The following CASP9 variants were observed in gnomAD, a reference collection of about 807,000 sequenced individuals.
CASP9 encodes the protein caspase 9, also known as caspase-9.
In CASP9, 29 loss-of-function variants were observed where a neutral mutation model predicts 43.5. The observed-to-expected ratio is 0.67, with a 90% CI of 0.50 to 0.91. The LOEUF (loss-of-function observed/expected upper bound fraction) is 0.91. Among genes scored for constraint, CASP9 ranks in the 40% least tolerant of loss-of-function variants. The pLI, the probability that CASP9 is intolerant of heterozygous loss-of-function variation, is 0.00. For synonymous variants in CASP9, 206 were observed against 211.9 expected, an observed-to-expected ratio of 0.97 and a Z score of 0.24; for missense variants, 575 against 537.4, an observed-to-expected ratio of 1.07 and a Z score of -0.69.
Position 15,524,059 on chromosome 1 carries a change from G to C in CASP9, c.132+10C>G. The C allele has an allele frequency of 1.5e-6, 2 of 1,366,686 alleles. No individual in the cohort carries two copies. The highest frequency in any genetic ancestry group is 1.3e-5 in the South Asian group (1 of 77,222). 84.7% of individuals were successfully genotyped at this position (1,366,686 alleles called of 1,614,324 possible). A position where few individuals can be genotyped will look rare whatever the true frequency, so the allele number is the denominator to read the frequency against. On this transcript the variant is annotated intron_variant, in intron 1 of 8. Coordinates refer to ENST00000333868, the MANE Select transcript of CASP9 (RefSeq NM_001229.5). ...CCGTGCAGCGCGGGGACAGGGGGCC[G>C]GGGGCGCACCTGGATGTCCTCGATC...
At chr1:15,503,025 G>A (rs562962783) in intron 6 of CASP9, among the ~76,000 whole-genome samples, 1 of 152,212 alleles carries the variant, frequency 6.6e-6, no homozygotes, top group East Asian at 1.9e-4. Context: ...TGGGAGCGGG[G>A]GGCAGGCTGG....
In CASP9 at chr1:15,505,158, C is replaced by T. The variant is rs4646048; in HGVS notation, c.721-400G>A. ...GGCCCCTCTGACTGAGGCAGCTCAA[C>T]GCTGAGAGTGGCTGCTTTAAATCAG... On this transcript the variant is annotated intron_variant, in intron 5 of 8. Transcript: ENST00000333868. Among the ~76,000 whole-genome samples, 1,433 of 152,220 alleles carry T rather than the reference C, an allele frequency of 9.4e-3. 5 individuals are homozygous for T. Among genetic ancestry groups the T allele is most frequent in the Non-Finnish European group, 0.013 (882 of 68,022 alleles).
rs184623165 is a variant in CASP9, at chr1:15,514,297, C to T, written c.418+3813G>A. 4.6e-5 allele frequency among the ~76,000 whole-genome samples: 7 copies of T among 152,340 alleles called. No individual in the cohort carries two copies. The East Asian group carries it at 1.3e-3, about 29-fold the overall frequency. ...GTCCCCAGTGTGAAACACTGACCTA[C>T]AGCATCCTTTCCTGTATTCACTTAT... On this transcript the variant is annotated intron_variant, in intron 2 of 8. Transcript: ENST00000333868.
At chr1:15,522,414 CTTT>C (rs1353106144) in intron 1 of CASP9, among the ~76,000 whole-genome samples, 1 of 152,136 alleles carries the variant, frequency 6.6e-6, no homozygotes, top group Non-Finnish European at 1.5e-5. Flanking sequence ...TTTTCAGCTT[CTTT>C]TTTAAGATGT....
chr1:15,507,881 C>T lies in CASP9; in HGVS notation c.445G>A (p.Ala149Thr). The T allele has an allele frequency of 9.3e-6, 15 of 1,614,166 alleles. No homozygotes were observed. Among genetic ancestry groups the T allele is most frequent in the Non-Finnish European group, 1.3e-5 (15 of 1,180,022 alleles). ...ATTTCATGGAGACTCACCAAATCTG[C>T]ATTTCCCCTCAAACTCTCAAGAGCA... ...VGALESLRGN[A>T]DLAYILSMEP... The change falls in exon 3 of 9, where the codon GCA becomes ACA. Residue 149 changes from alanine to threonine, a missense_variant. Physicochemically the swap from Ala to Thr is moderately conservative, Grantham distance 58. Coordinates refer to ENST00000333868, the MANE Select transcript of CASP9 (RefSeq NM_001229.5).
chr1:15,495,130 A>T, intron 7 of CASP9, 143 bp downstream of exon 7: 1 of 758,576 alleles, frequency 1.3e-6, no homozygotes, highest in Non-Finnish European at 2.1e-6. Context: ...AGGCTCAGAG[A>T]GAAGTAACTT....
At chr1:15,498,705 C>G (rs1419782074) in intron 6 of CASP9, among the ~76,000 whole-genome samples, 1 of 147,584 alleles carries the variant, frequency 6.8e-6, no homozygotes, top group Non-Finnish European at 1.5e-5. Flanking sequence ...AGATATAGAA[C>G]TATAGAACAC....
At chr1:15,510,116 G>A (rs1709700315) in intron 2 of CASP9, among the ~76,000 whole-genome samples, 1 of 152,122 alleles carries the variant, frequency 6.6e-6, no homozygotes, top group African/African-American at 2.4e-5. Context: ...TTTTAGTAGA[G>A]ATGGGGTTTC....
chr1:15,500,734 A>C (rs1387941065), intron 6 of CASP9, among the ~76,000 whole-genome samples: 1 of 152,180 alleles, frequency 6.6e-6, no homozygotes, highest in African/African-American at 2.4e-5. Context: ...CAGCACAGCA[A>C]GGAGGCCTGA....
intron 2 of CASP9, among the ~76,000 whole-genome samples, chr1:15,510,005 G>A (rs1383743636): frequency 1.3e-5 from 2 of 151,834 alleles, no homozygotes; most frequent in Non-Finnish European, 2.9e-5. Context: ...ATCTTGCCTC[G>A]CTGCAACTTC....
At chr1:15,518,000 A>G in intron 2 of CASP9, 110 bp downstream of exon 2, 1 of 1,303,108 alleles carries the variant, frequency 7.7e-7, no homozygotes, top group Non-Finnish European at 1.1e-6. Flanking sequence ...ACATTCAGAA[A>G]GACAATGCTA....
At chr1:15,504,543 G>A (rs4646051) in intron 6 of CASP9, 68 bp downstream of exon 6, 25,098 of 1,511,888 alleles carry the variant, frequency 0.017, 249 homozygotes, top group Non-Finnish European at 0.02. Context: ...GGGCAGGCTG[G>A]AGAAAGAAGC....
chr1:15,501,820 G>A (rs559321092), intron 6 of CASP9, among the ~76,000 whole-genome samples: 2 of 151,826 alleles, frequency 1.3e-5, no homozygotes, highest in South Asian at 2.1e-4. Context: ...CACTCAGGCC[G>A]GAGTGCAATA....
At chr1:15,502,267 C>T (rs4646067) in intron 6 of CASP9, among the ~76,000 whole-genome samples, 3,319 of 152,046 alleles carry the variant, frequency 0.022, 125 homozygotes, top group African/African-American at 0.075. Context: ...TGACTTTGGC[C>T]AAGAAAGGGG....
chr1:15,505,323 A>G (rs1570844379), intron 5 of CASP9, among the ~76,000 whole-genome samples: 1 of 152,316 alleles, frequency 6.6e-6, no homozygotes, highest in South Asian at 2.1e-4. Context: ...AGAAAGGACC[A>G]AAGGGAAAGC....
intron 7 of CASP9, among the ~76,000 whole-genome samples, chr1:15,494,785 C>T (rs947557570): frequency 2.0e-5 from 3 of 148,268 alleles, no homozygotes; most frequent in African/African-American, 7.6e-5. Context: ...ATGGTGTGAA[C>T]CCGGGATGCA....
At chr1:15,516,931 T>A (rs953218367) in intron 2 of CASP9, among the ~76,000 whole-genome samples, 3 of 152,168 alleles carry the variant, frequency 2.0e-5, no homozygotes, top group Admixed American at 6.5e-5. Flanking sequence ...CATCTCCCAA[T>A]CTGTGGCTCA....
In CASP9 at chr1:15,492,760, G is replaced by C. The variant is rs1387791705; in HGVS notation, c.*183C>G. 1.3e-5 allele frequency: 10 copies of C among 792,382 alleles called. No homozygotes were observed. The highest frequency in any genetic ancestry group is 3.7e-4 in the Middle Eastern group (1 of 2,674). The allele number at this position is 792,382 out of a possible 1,614,324, so 49.1% of individuals were successfully genotyped here. ...ATTCATCTGTCCCTCTTCCTCCACT[G>C]TTCAGCACTTGTCGTCAATCTGGAA... On this transcript the variant is annotated 3_prime_UTR_variant, in exon 9 of 9. Coordinates refer to ENST00000333868, the MANE Select transcript of CASP9 (RefSeq NM_001229.5).
chr1:15,503,551 C>G (rs1265808952), intron 6 of CASP9, among the ~76,000 whole-genome samples: 2 of 152,202 alleles, frequency 1.3e-5, no homozygotes, highest in Non-Finnish European at 2.9e-5. Flanking sequence ...AACGCACAGC[C>G]TGGTATATAC....
Sources: allele counts gnomAD v4.1 joint callset (sites outside exome capture counted in the v4.1 genomes callset), GRCh38; gene constraint gnomAD v4.1.1; transcripts MANE v1.5; gene names NCBI Gene and HGNC (gene_info 2026-07-23, HGNC 2026-07-21).